The following ASMT variants were observed in gnomAD, a reference collection of about 807,000 sequenced individuals.
ASMT encodes acetylserotonin O-methyltransferase, also known as acetylserotonin N-methyltransferase.
ASMT carries 53 observed loss-of-function variants against 41.3 expected under a neutral mutation model. That is an observed-to-expected ratio of 1.28 (90% CI 1.03 to 1.61). ASMT has a LOEUF of 1.61. Ranked by LOEUF, ASMT falls within the 40% of genes most tolerant of loss-of-function variation. The pLI, the probability that ASMT is intolerant of heterozygous loss-of-function variation, is 0.00. For synonymous variants in ASMT, 231 were observed against 184.8 expected (o/e 1.25, Z -2.03); for missense variants, 531 against 441.3 (o/e 1.20, Z -1.82).
chrX:1,620,587 A>G (rs761426576), intron 1 of ASMT, among the ~76,000 whole-genome samples: 9 of 152,288 alleles, frequency 5.9e-5, no homozygotes, highest in African/African-American at 2.2e-4. Flanking sequence ...ACAGTTTAAT[A>G]AAAAAGCTAA....
At chrX:1,621,692 G>GTATT (rs1934342654) in intron 1 of ASMT, among the ~76,000 whole-genome samples, 1 of 151,038 alleles carries the variant, frequency 6.6e-6, no homozygotes, top group Admixed American at 6.6e-5. Flanking sequence ...ATTTTTATAT[G>GTATT]TATTTATTTA....
intron 5 of ASMT, among the ~76,000 whole-genome samples, chrX:1,630,837 C>T (rs1442861192): frequency 9.9e-5 from 15 of 151,890 alleles, no homozygotes; most frequent in African/African-American, 2.4e-4. Flanking sequence ...GGATTACAGG[C>T]GCCCGCCACC....
At chrX:1,628,642 C>T (rs1466311783) in intron 4 of ASMT, among the ~76,000 whole-genome samples, 5 of 148,498 alleles carry the variant, frequency 3.4e-5, no homozygotes, top group Admixed American at 6.8e-5. Context: ...CCTCTCTTTT[C>T]CTCTTCCATC....
At chrX:1,618,407 G>C in intron 1 of ASMT, among the ~76,000 whole-genome samples, 1 of 152,174 alleles carries the variant, frequency 6.6e-6, no homozygotes, top group East Asian at 1.9e-4. Context: ...CGGGCGATCT[G>C]CCTGCCTCGG....
chrX:1,636,710 AT>A, intron 8 of ASMT, 150 bp downstream of exon 8: 1 of 1,181,788 alleles, frequency 8.5e-7, no homozygotes. Flanking sequence ...ACGACCTGAA[AT>A]AAATAGGGTC....
chrX:1,625,730 G>A (rs1329177683), intron 3 of ASMT, among the ~76,000 whole-genome samples: 5 of 151,498 alleles, frequency 3.3e-5, no homozygotes, highest in South Asian at 2.1e-4. Flanking sequence ...TGAGGCGGGC[G>A]GATCACGAGG....
At chrX:1,642,447 G>T (rs1208902266) in intron 8 of ASMT, among the ~76,000 whole-genome samples, 1 of 149,388 alleles carries the variant, frequency 6.7e-6, no homozygotes, top group African/African-American at 2.5e-5. Flanking sequence ...TGAGGACAGT[G>T]TCCCAGTGTC....
intron 8 of ASMT, among the ~76,000 whole-genome samples, chrX:1,636,984 G>C (rs1203250235): frequency 1.3e-5 from 1 of 74,662 alleles, no homozygotes; most frequent in African/African-American, 6.0e-5. Context: ...TGAGGATGTG[G>C]GCACAGCCTC....
At chrX:1,634,654 C>T (rs1365224609) in intron 7 of ASMT, among the ~76,000 whole-genome samples, 2 of 59,614 alleles carry the variant, frequency 3.4e-5, no homozygotes, top group South Asian at 4.7e-4. Flanking sequence ...GCTGAGTTAA[C>T]CCCCCCCCTT....
intron 5 of ASMT, among the ~76,000 whole-genome samples, chrX:1,631,001 C>T (rs762831915): frequency 6.6e-6 from 1 of 151,118 alleles, no homozygotes; most frequent in East Asian, 1.9e-4. Context: ...AGCTCTGCCT[C>T]CCGGGTTCAC....
At position 1,627,659 on chromosome X, in the gene ASMT, GAAATGAAATGA is replaced by G. The variant is rs745305785; in HGVS notation, c.375-41_375-31del. ...GAAATGAAATGAAATGAAATGAAAT[GAAATGAAATGA>G]AATGAAAATCAGCCTTCTCTCTCTT... is the stretch of plus-strand genomic sequence containing the variant. On this transcript the variant is annotated intron_variant, in intron 3 of 8. Transcript: ENST00000381241. 193 of 1,434,530 alleles carry G rather than the reference GAAATGAAATGA, an allele frequency of 1.3e-4. 1 individual carries two copies. In the African/African-American group the frequency reaches 2.2e-3, roughly 17 times the overall value. The allele number at this position is 1,434,530 out of a possible 1,614,324, so 88.9% of individuals were successfully genotyped here. A position where few individuals can be genotyped will look rare whatever the true frequency, so the allele number is the denominator to read the frequency against.
chrX:1,615,312 A>G (rs773853855), intron 1 of ASMT, 44 bp downstream of exon 1: 34 of 1,508,020 alleles, frequency 2.3e-5, no homozygotes, highest in South Asian at 1.4e-4. Context: ...ACTTCCGTTC[A>G]TCACACTCAC....
chrX:1,616,292 G>A (rs1389082553), intron 1 of ASMT, among the ~76,000 whole-genome samples: 3 of 151,374 alleles, frequency 2.0e-5, no homozygotes, highest in Non-Finnish European at 3.0e-5. Context: ...GCCTCCCAAG[G>A]CCTCATTTCT....
At chrX:1,636,720 T>C in intron 8 of ASMT, 160 bp downstream of exon 8, 1 of 526,038 alleles carries the variant, frequency 1.9e-6, no homozygotes, top group Non-Finnish European at 2.4e-6. Flanking sequence ...ATAAATAGGG[T>C]CCTAATTTCT....
At chrX:1,630,228 G>C (rs1337445682) in intron 5 of ASMT, among the ~76,000 whole-genome samples, 1 of 151,296 alleles carries the variant, frequency 6.6e-6, no homozygotes. Context: ...TTGCCTCCTG[G>C]GTTCAAGCGA....
chrX:1,641,724 G>A, intron 8 of ASMT, among the ~76,000 whole-genome samples: 1 of 148,410 alleles, frequency 6.7e-6, no homozygotes, highest in Non-Finnish European at 1.5e-5. Flanking sequence ...CTCCTGTGAG[G>A]TCCACCCATC....
chrX:1,621,202 A>G (rs1418118523), intron 1 of ASMT, among the ~76,000 whole-genome samples: 2 of 152,242 alleles, frequency 1.3e-5, no homozygotes, highest in Admixed American at 1.3e-4. Flanking sequence ...ACGTGGCCTG[A>G]AGAAACCATC....
chrX:1,637,011 A>C lies in ASMT; in HGVS notation c.910+451A>C, dbSNP rs868574336. Among the ~76,000 whole-genome samples, 17 of 69,190 alleles carry C rather than the reference A, an allele frequency of 2.5e-4. 1 individual carries two copies. The highest frequency in any genetic ancestry group is 6.8e-3 in the Middle Eastern group (1 of 146). The allele number at this position is 69,190 out of a possible 152,430, so 45.4% of individuals were successfully genotyped here. A position where few individuals can be genotyped will look rare whatever the true frequency, so the allele number is the denominator to read the frequency against. On this transcript the variant is annotated intron_variant, in intron 8 of 8. Transcript: ENST00000381241. Reference sequence around the variant, plus strand: ...CACAGCCTCTGTGTGTGATGGGGACAGTGTCCCAGCTCTCCTGTGAGGTCC... The same window carrying C: ...CACAGCCTCTGTGTGTGATGGGGACCGTGTCCCAGCTCTCCTGTGAGGTCC...
chrX:1,619,907 C>T (rs1348671526), intron 1 of ASMT, among the ~76,000 whole-genome samples: 2 of 150,294 alleles, frequency 1.3e-5, no homozygotes, highest in South Asian at 4.2e-4. Context: ...CTGGCTAACA[C>T]GGTGAAACCC....
Sources: allele counts gnomAD v4.1 joint callset (sites outside exome capture counted in the v4.1 genomes callset), GRCh38; gene constraint gnomAD v4.1.1; transcripts MANE v1.5; gene names NCBI Gene and HGNC (gene_info 2026-07-23, HGNC 2026-07-21).